Variants in MICU3 observed in about 807,000 individuals in gnomAD.
MICU3 encodes the protein calcium uptake protein 3, mitochondrial.
Under a neutral mutation model 66.5 loss-of-function variants are expected in MICU3, and 62 were observed. That is an observed-to-expected ratio of 0.93 (90% CI 0.76 to 1.15). The LOEUF is 1.15. MICU3 is among the 50% of genes most tolerant of loss of function. The pLI, the probability that MICU3 is intolerant of heterozygous loss-of-function variation, is 0.00. For missense variants in MICU3, 779 were observed against 664.4 expected (o/e 1.17, Z -1.90); for synonymous variants, 308 against 240.7 (o/e 1.28, Z -2.59).
chr8:17,077,257 T>C (rs1820516563), intron 3 of MICU3, among the ~76,000 whole-genome samples: 1 of 152,200 alleles, frequency 6.6e-6, no homozygotes, highest in Admixed American at 6.5e-5. Context: ...TCCATTGTTA[T>C]CATTCTCTAA....
chr8:17,070,453 G>A (rs767774048), intron 3 of MICU3, among the ~76,000 whole-genome samples: 6 of 152,066 alleles, frequency 3.9e-5, no homozygotes, highest in African/African-American at 9.6e-5. Context: ...ACATTCATAC[G>A]TGGGAAAACA....
intron 1 of MICU3, among the ~76,000 whole-genome samples, chr8:17,039,302 A>T (rs1201139083): frequency 6.6e-6 from 1 of 152,228 alleles, no homozygotes; most frequent in African/African-American, 2.4e-5. Flanking sequence ...TGTGGAACTG[A>T]ACCTTCAGTG....
In MICU3 at chr8:17,035,959, A is replaced by T. The variant is rs143914428; in HGVS notation, c.381+8299A>T. Among the ~76,000 whole-genome samples, 476 of 152,246 alleles carry T rather than the reference A, an allele frequency of 3.1e-3. 3 individuals carry two copies. The highest frequency in any genetic ancestry group is 0.011 in the African/African-American group (449 of 41,548). On this transcript the variant is annotated intron_variant, in intron 1 of 14. Transcript: ENST00000318063. ...ACCACAGACCTGGAAGCCTAGGAGG[A>T]AAAAATGGTTTTATGGGCCGGGACT...
intron 13 of MICU3, 99 bp downstream of exon 13, chr8:17,116,699 A>T (rs928027349): frequency 1.1e-6 from 1 of 914,892 alleles, no homozygotes; most frequent in African/African-American, 1.8e-5. Flanking sequence ...TTTCTTAAGG[A>T]TATAAACATG....
intron 1 of MICU3, among the ~76,000 whole-genome samples, chr8:17,052,046 A>C (rs999482347): frequency 2.0e-5 from 3 of 152,222 alleles, no homozygotes; most frequent in African/African-American, 7.2e-5. Flanking sequence ...GAGGAGGTCT[A>C]CATGCTGAAC....
intron 13 of MICU3, among the ~76,000 whole-genome samples, chr8:17,117,972 G>A (rs760608254): frequency 6.6e-6 from 1 of 152,202 alleles, no homozygotes; most frequent in Non-Finnish European, 1.5e-5. Context: ...ATCTGAGACA[G>A]TATTTTTAAA....
intron 1 of MICU3, among the ~76,000 whole-genome samples, chr8:17,062,312 CTGTT>C (rs1817956839): frequency 6.6e-6 from 1 of 152,154 alleles, no homozygotes; most frequent in Non-Finnish European, 1.5e-5. Context: ...TTCCGTTTCT[CTGTT>C]TGTGCCTTTT....
At chr8:17,098,168 C>T (rs1263689663) in intron 8 of MICU3, among the ~76,000 whole-genome samples, 3 of 151,646 alleles carry the variant, frequency 2.0e-5, no homozygotes, top group Non-Finnish European at 1.5e-5. Flanking sequence ...TTAGAAGTTA[C>T]ACACGTTTCA....
intron 8 of MICU3, 151 bp from the exon 9 acceptor site, chr8:17,098,307 C>T: frequency 2.9e-6 from 2 of 690,634 alleles, no homozygotes; most frequent in East Asian, 2.5e-5. Flanking sequence ...TAATACAATA[C>T]TGTGGTGCAC....
intron 2 of MICU3, among the ~76,000 whole-genome samples, chr8:17,066,613 A>G (rs1818759611): frequency 7.0e-6 from 1 of 142,614 alleles, no homozygotes; most frequent in Non-Finnish European, 1.5e-5. Context: ...CGTGATCACT[A>G]CTCACTACAA....
chr8:17,027,830 G>C (rs902545601), intron 1 of MICU3, among the ~76,000 whole-genome samples, 170 bp downstream of exon 1: 4 of 152,208 alleles, frequency 2.6e-5, no homozygotes, highest in African/African-American at 9.6e-5. Context: ...GGTCACCCAC[G>C]TATTGGGAAG....
intron 1 of MICU3, among the ~76,000 whole-genome samples, chr8:17,048,503 C>A (rs1473545867): frequency 6.6e-6 from 1 of 152,142 alleles, no homozygotes; most frequent in African/African-American, 2.4e-5. Context: ...AAGACCCACC[C>A]CCATGATTCA....
At chr8:17,066,072 CT>C (rs202172944) in intron 2 of MICU3, among the ~76,000 whole-genome samples, 22,901 of 145,050 alleles carry the variant, frequency 0.16, 2,263 homozygotes, top group East Asian at 0.39. Context: ...AAGTAGAGTT[CT>C]TTTTTTTTTT....
intron 1 of MICU3, among the ~76,000 whole-genome samples, chr8:17,062,653 A>G (rs1300901811): frequency 6.6e-6 from 1 of 152,194 alleles, no homozygotes; most frequent in Non-Finnish European, 1.5e-5. Flanking sequence ...ATCATTTTAT[A>G]AAATACGTGA....
intron 8 of MICU3, among the ~76,000 whole-genome samples, chr8:17,091,218 C>T (rs556868683): frequency 1.1e-4 from 16 of 152,200 alleles, no homozygotes; most frequent in Admixed American, 2.0e-4. Flanking sequence ...TTGTACCCTT[C>T]TTCTTATGCT....
At chr8:17,105,869 G>A (rs1801696010) in intron 11 of MICU3, among the ~76,000 whole-genome samples, 1 of 151,852 alleles carries the variant, frequency 6.6e-6, no homozygotes, top group Non-Finnish European at 1.5e-5. Flanking sequence ...ATTCCACTTA[G>A]CTCTATGCTT....
In MICU3 at chr8:17,054,738, CTT is replaced by C. The variant is rs559605289; in HGVS notation, c.382-9328_382-9327del. Reference sequence around the variant, plus strand: ...GTTTTCTTTTTCTTTTTCTTTCTTTCTTTTTTTTTTTTTTTTTTTGAGACAGA... The same window carrying C: ...GTTTTCTTTTTCTTTTTCTTTCTTTCTTTTTTTTTTTTTTTTTGAGACAGA... On this transcript the variant is annotated intron_variant, in intron 1 of 14. Coordinates refer to ENST00000318063, the MANE Select transcript of MICU3 (RefSeq NM_181723.3). Among the ~76,000 whole-genome samples the C allele has an allele frequency of 1.3e-3, 163 of 122,716 alleles. 1 individual carries two copies. The highest frequency in any genetic ancestry group is 4.5e-3 in the African/African-American group (140 of 31,394). 80.5% of individuals were successfully genotyped at this position (122,716 alleles called of 152,430 possible).
intron 1 of MICU3, among the ~76,000 whole-genome samples, chr8:17,030,658 G>C (rs1811867442): frequency 6.6e-6 from 1 of 152,218 alleles, no homozygotes; most frequent in Admixed American, 6.5e-5. Flanking sequence ...AGGCACAGGT[G>C]CACATATATG....
In MICU3 at chr8:17,122,358, G is replaced by A. The variant is rs1365122624; in HGVS notation, c.*2071G>A. 6.6e-6 allele frequency: 1 copy of A among 151,678 alleles called. No homozygotes were observed. The highest frequency in any genetic ancestry group is 1.5e-5 in the Non-Finnish European group (1 of 67,714). 9.4% of individuals were successfully genotyped at this position (151,678 alleles called of 1,614,324 possible). A position where few individuals can be genotyped will look rare whatever the true frequency, so the allele number is the denominator to read the frequency against. ...TTATATCAATTTAAAATTTGCTAGT[G>A]GTTTGAAAATAATAATGTACTGACT... On this transcript the variant is annotated 3_prime_UTR_variant, in exon 15 of 15. Coordinates refer to ENST00000318063, the MANE Select transcript of MICU3 (RefSeq NM_181723.3).
Sources: allele counts gnomAD v4.1 joint callset (sites outside exome capture counted in the v4.1 genomes callset), GRCh38; gene constraint gnomAD v4.1.1; transcripts MANE v1.5; gene names NCBI Gene and HGNC (gene_info 2026-07-23, HGNC 2026-07-21).